Variants in ABCG8 observed in about 807,000 individuals in gnomAD.
The protein encoded by ABCG8 is ATP-binding cassette sub-family G member 8.
Under a neutral mutation model 71.3 loss-of-function variants are expected in ABCG8, and 81 were observed. The observed-to-expected ratio is 1.14, with a 90% CI of 0.95 to 1.37. The LOEUF (loss-of-function observed/expected upper bound fraction) is 1.37, where lower values mean the gene tolerates loss of function less well. Ranked by LOEUF, ABCG8 falls within the 40% of genes most tolerant of loss-of-function variation. The probability of loss-of-function intolerance (pLI) is 0.00; values close to 1 mark genes in which losing one functional copy is unlikely to be tolerated. For synonymous variants in ABCG8, 451 were observed against 354.7 expected (o/e 1.27, Z -3.05); for missense variants, 1,119 against 866.2 (o/e 1.29, Z -3.66).
chr2:43,878,177 A>G lies in ABCG8; in HGVS notation c.*264A>G. ...CTCGGTGGCACCTACAACGTTGCTAATTTATTTCCTTTTGATATGCATTTA... is the reference window on the plus strand; with the variant it reads ...CTCGGTGGCACCTACAACGTTGCTAGTTTATTTCCTTTTGATATGCATTTA... On this transcript the variant is annotated 3_prime_UTR_variant, in exon 13 of 13. Coordinates refer to ENST00000272286, the MANE Select transcript of ABCG8 (RefSeq NM_022437.3). 1.9e-6 allele frequency: 1 copy of G among 525,780 alleles called. No homozygotes were observed. The highest frequency in any genetic ancestry group is 3.4e-6 in the Non-Finnish European group (1 of 290,826). The allele number at this position is 525,780 out of a possible 1,614,324, so 32.6% of individuals were successfully genotyped here.
At chr2:43,841,739 T>G (rs1668586879) in intron 1 of ABCG8, among the ~76,000 whole-genome samples, 1 of 152,172 alleles carries the variant, frequency 6.6e-6, no homozygotes, top group African/African-American at 2.4e-5. Context: ...CTGCCTCCTC[T>G]GTCTGCCAGC....
Position 43,851,794 on chromosome 2 carries a change from C to T in ABCG8, c.533C>T (p.Thr178Ile), listed in dbSNP as rs765299706. ...ATTGCCCAGATGCGGCTGCCCAGAA[C>T]CTTCTCCCAGGCCCAGCGTGACAAA... ...AFIAQMRLPRTFSQAQRDKRV... is the reference protein window; with the variant it reads ...AFIAQMRLPRIFSQAQRDKRV... Residue 178 changes from threonine to isoleucine, a missense_variant, in exon 4 of 13, where the codon ACC (threonine) becomes ATC (isoleucine). Transcript: ENST00000272286. 6.2e-7 allele frequency: 1 copy of T among 1,614,232 alleles called. No homozygotes were observed. The highest frequency in any genetic ancestry group is 8.5e-7 in the Non-Finnish European group (1 of 1,180,046).
intron 1 of ABCG8, among the ~76,000 whole-genome samples, chr2:43,843,273 C>A (rs919264587): frequency 2.0e-4 from 30 of 152,122 alleles, no homozygotes; most frequent in African/African-American, 6.3e-4. Flanking sequence ...TTGTTGGGTG[C>A]ATGGTTGATT....
At chr2:43,854,901 C>T (rs777504704) in intron 6 of ABCG8, among the ~76,000 whole-genome samples, 1 of 152,086 alleles carries the variant, frequency 6.6e-6, no homozygotes, top group Non-Finnish European at 1.5e-5. Flanking sequence ...GGTTAGCATC[C>T]CTGGGATTTA....
intron 6 of ABCG8, among the ~76,000 whole-genome samples, chr2:43,865,274 C>T (rs1283114607): frequency 6.7e-6 from 1 of 148,350 alleles, no homozygotes; most frequent in African/African-American, 2.5e-5. Flanking sequence ...CTGCTTAGAG[C>T]TCTCACTATC....
rs73924043 is a variant in ABCG8, at chr2:43,856,237, G to C, written c.964+3369G>C. On this transcript the variant is annotated intron_variant, in intron 6 of 12. Transcript: ENST00000272286. ...AGAACTCTGACTATCTGTCTGGATA[G>C]AATTCTCTCCATCCTGACAGAACTC... 5.4e-3 allele frequency among the ~76,000 whole-genome samples: 825 copies of C among 151,738 alleles called. 5 individuals carry two copies. The highest frequency in any genetic ancestry group is 0.019 in the African/African-American group (790 of 41,374).
chr2:43,859,552 G>T (rs1669231244), intron 6 of ABCG8, among the ~76,000 whole-genome samples: 1 of 150,568 alleles, frequency 6.6e-6, no homozygotes, highest in African/African-American at 2.4e-5. Flanking sequence ...TATTTGTCTG[G>T]AAAGAATTCT....
intron 6 of ABCG8, among the ~76,000 whole-genome samples, chr2:43,869,165 A>T (rs909839215): frequency 3.3e-5 from 5 of 151,996 alleles, no homozygotes; most frequent in African/African-American, 4.8e-5. Context: ...GTCTGGATAG[A>T]ATTCTCACTG....
chr2:43,863,980 A>G lies in ABCG8; in HGVS notation c.965-7996A>G, dbSNP rs533887960. ...TCTGTAGGTAGAACTCTTACTGTCAATCTGGATATAATTCTCACTCTCTGG... is the reference window on the plus strand; with the variant it reads ...TCTGTAGGTAGAACTCTTACTGTCAGTCTGGATATAATTCTCACTCTCTGG... On this transcript the variant is annotated intron_variant, in intron 6 of 12. Coordinates refer to ENST00000272286, the MANE Select transcript of ABCG8 (RefSeq NM_022437.3). Among the ~76,000 whole-genome samples, 7 of 151,384 alleles carry G rather than the reference A, an allele frequency of 4.6e-5. No homozygotes were observed. In the South Asian group the frequency reaches 8.3e-4, roughly 18 times the overall value.
intron 6 of ABCG8, among the ~76,000 whole-genome samples, chr2:43,861,026 C>T (rs76661559): frequency 6.6e-6 from 1 of 151,394 alleles, no homozygotes; most frequent in Non-Finnish European, 1.5e-5. Context: ...AGAATTATCA[C>T]TATCTATCGG....
At position 43,877,611 on chromosome 2, in the gene ABCG8, C is replaced by G. The variant is rs763348699; in HGVS notation, c.1807C>G (p.Leu603Val). 9 of 1,614,008 alleles carry G rather than the reference C, an allele frequency of 5.6e-6. No homozygotes were observed. The Admixed American group carries it at 1.5e-4, about 27-fold the overall frequency. The change falls in exon 12 of 13, where the codon CTG becomes GTG. Residue 603 changes from leucine to valine, a missense_variant. By Grantham distance (32) the Leu-to-Val change is conservative (BLOSUM62 1). Transcript: ENST00000272286. ...VSFLRWCFEG[L>V]MKIQFSRRTY... is the part of the protein sequence containing the mutation. ...CTTCCTGCGGTGGTGTTTTGAAGGG[C>G]TGATGAAGATTCAGTTCAGCAGAAG...
chr2:43,842,212 T>G (rs1668602662), intron 1 of ABCG8, among the ~76,000 whole-genome samples: 1 of 152,066 alleles, frequency 6.6e-6, no homozygotes, highest in South Asian at 2.1e-4. Context: ...AGGGTTTCAC[T>G]GTTTTGGCCA....
intron 6 of ABCG8, among the ~76,000 whole-genome samples, chr2:43,856,538 A>G (rs571017297): frequency 1.3e-5 from 2 of 151,666 alleles, no homozygotes; most frequent in African/African-American, 4.8e-5. Context: ...CTGGATAGAA[A>G]TCTCACTTTC....
intron 3 of ABCG8, among the ~76,000 whole-genome samples, chr2:43,850,949 TGAAAA>T (rs1057049533): frequency 5.3e-5 from 8 of 151,784 alleles, no homozygotes; most frequent in Non-Finnish European, 1.0e-4. Flanking sequence ...GTACCACTGA[TGAAAA>T]GAAGAGAGAT....
In ABCG8 at chr2:43,852,603, C is replaced by A; in HGVS notation, c.699C>A (p.Ile233=). The A allele has an allele frequency of 6.2e-7, 1 of 1,614,176 alleles. No homozygotes were observed. Among genetic ancestry groups the A allele is most frequent in the Non-Finnish European group, 8.5e-7 (1 of 1,180,026 alleles). ...IGVQLLWNPG[I]LILDEPTSGL... ...GCTCCTCTCTGTGTTGGAAAGGAAT[C>A]CTTATTCTCGACGAACCCACCTCTG... Residue 233 remains isoleucine (I), a synonymous_variant, in exon 6 of 13, where the codon ATC becomes ATA. Coordinates refer to ENST00000272286, the MANE Select transcript of ABCG8 (RefSeq NM_022437.3).
At position 43,878,409 on chromosome 2, in the gene ABCG8, T is replaced by C. The variant is rs940594429; in HGVS notation, c.*496T>C. 2 of 230,354 alleles carry C rather than the reference T, an allele frequency of 8.7e-6. No individual in the cohort carries two copies. Among genetic ancestry groups the C allele is most frequent in the Non-Finnish European group, 1.8e-5 (2 of 114,218 alleles). 14.3% of individuals were successfully genotyped at this position (230,354 alleles called of 1,614,324 possible). On this transcript the variant is annotated 3_prime_UTR_variant, in exon 13 of 13. Transcript: ENST00000272286. ...AGCAAGATGCCATCCCTTCTTTTTG[T>C]GTGGGGTCATGGGCTCCAAAAGCCA...
intron 3 of ABCG8, chr2:43,848,078 T>C (rs17424122): frequency 6.6e-6 from 1 of 152,078 alleles, no homozygotes; most frequent in Non-Finnish European, 1.5e-5. Flanking sequence ...CCTGGTTGTT[T>C]ATAGATTCAG....
rs918635103 is a variant in ABCG8, at chr2:43,875,147, T to C, written c.1490T>C (p.Ile497Thr). 6.2e-7 allele frequency: 1 copy of C among 1,614,090 alleles called. No individual in the cohort carries two copies. Among genetic ancestry groups the C allele is most frequent in the Non-Finnish European group, 8.5e-7 (1 of 1,180,056 alleles). Residue 497 changes from isoleucine (I) to threonine (T), a missense_variant and splice_region_variant, in exon 11 of 13, where the codon ATC becomes ACC. Coordinates refer to ENST00000272286, the MANE Select transcript of ABCG8 (RefSeq NM_022437.3). ...YTTGPYFFAK[I>T]LGELPEHCAY... ...CCTTGCAAGGGCTGTTCTTTGCAGA[T>C]CCTCGGGGAGCTTCCGGAGCACTGT... is the stretch of plus-strand genomic sequence containing the variant.
At chr2:43,867,447 C>G (rs1669570163) in intron 6 of ABCG8, among the ~76,000 whole-genome samples, 1 of 152,008 alleles carries the variant, frequency 6.6e-6, no homozygotes. Context: ...GGATAGAATT[C>G]TCACCATCTG....
Sources: gnomAD v4.1 joint callset for allele counts (sites outside exome capture counted in the v4.1 genomes callset) on GRCh38, gnomAD v4.1.1 for gene constraint, MANE v1.5 for transcripts, NCBI Gene and HGNC (gene_info 2026-07-23, HGNC 2026-07-21) for gene names.